Variants in DDX60 observed in about 807,000 individuals in gnomAD.
DDX60 encodes probable ATP-dependent RNA helicase DDX60.
A neutral mutation model predicts 212.8 loss-of-function variants in DDX60; 165 were observed. The observed-to-expected ratio is 0.78, with a 90% CI of 0.68 to 0.88. DDX60 has a LOEUF of 0.88. Among genes scored for constraint, DDX60 ranks in the 40% least tolerant of loss-of-function variants. The probability of loss-of-function intolerance (pLI) is 0.00; values close to 1 mark genes in which losing one functional copy is unlikely to be tolerated. For synonymous variants in DDX60, 703 were observed against 685.3 expected (o/e 1.03, Z -0.40); for missense variants, 1,905 against 2,003.9 (o/e 0.95, Z 0.94).
At chr4:168,257,655 A>T (rs756784714) in intron 25 of DDX60, among the ~76,000 whole-genome samples, 4 of 152,326 alleles carry the variant, frequency 2.6e-5, no homozygotes, top group Admixed American at 6.5e-5. Flanking sequence ...TTGTTCAAAG[A>T]TCACTTAGAA....
At chr4:168,218,227 G>A (rs1732920420) in intron 37 of DDX60, among the ~76,000 whole-genome samples, 1 of 152,048 alleles carries the variant, frequency 6.6e-6, no homozygotes, top group African/African-American at 2.4e-5. Context: ...ACTTATCATT[G>A]TGACTACTGA....
intron 25 of DDX60, among the ~76,000 whole-genome samples, chr4:168,260,609 C>T (rs950211255): frequency 3.3e-5 from 5 of 152,074 alleles, no homozygotes; most frequent in Admixed American, 1.3e-4. Flanking sequence ...ACCAGACATT[C>T]GTTAGATTCT....
chr4:168,295,253 T>G (rs62337771), intron 6 of DDX60, among the ~76,000 whole-genome samples: 8,325 of 152,304 alleles, frequency 0.055, 307 homozygotes, highest in Non-Finnish European at 0.083. Context: ...GGAACCGAAA[T>G]TAGTATGGTT....
chr4:168,322,469 C>A (rs1279450998), upstream of DDX60, among the ~76,000 whole-genome samples: 1 of 152,130 alleles, frequency 6.6e-6, no homozygotes, highest in Admixed American at 6.5e-5. Flanking sequence ...TTGAAACAAC[C>A]TTTTCACTTT....
intron 33 of DDX60, among the ~76,000 whole-genome samples, chr4:168,232,551 A>G (rs1733491228): frequency 1.3e-5 from 2 of 152,040 alleles, no homozygotes; most frequent in African/African-American, 4.8e-5. Flanking sequence ...ACAGAAATAA[A>G]GGCAAATATT....
At position 168,218,272 on chromosome 4, in the gene DDX60, T is replaced by C. The variant is rs558613999; in HGVS notation, c.5040-1240A>G. 7.4e-4 allele frequency among the ~76,000 whole-genome samples: 113 copies of C among 152,316 alleles called. 3 individuals carry two copies. In the South Asian group the frequency reaches 0.023, roughly 31 times the overall value. On this transcript the variant is annotated intron_variant, in intron 37 of 37. Coordinates refer to ENST00000393743, the MANE Select transcript of DDX60 (RefSeq NM_017631.6). ...CCTGATTGATATCTCCCAGATATAATGTGATGTGTATAAATTCTAGCTCAC... is the reference window on the plus strand; with the variant it reads ...CCTGATTGATATCTCCCAGATATAACGTGATGTGTATAAATTCTAGCTCAC...
Position 168,280,550 on chromosome 4 carries a change from C to A in DDX60, c.1763G>T (p.Arg588Met). ...AEIIARENKK[R>M]LFAREEQKEE... ...CTTTTGTTCTTCCCTGGCAAATAAC[C>A]TTTTCTTATTCTCTCTAGCAATTAT... is the stretch of plus-strand genomic sequence containing the variant. The change falls in exon 14 of 38, where the codon AGG (arginine) becomes ATG (methionine). Residue 588 changes from arginine (R) to methionine (M), a missense_variant. Physicochemically the swap from Arg to Met is moderately conservative, Grantham distance 91. Transcript: ENST00000393743. The A allele has an allele frequency of 6.2e-7, 1 of 1,613,766 alleles. No homozygotes were observed. Among genetic ancestry groups the A allele is most frequent in the Non-Finnish European group, 8.5e-7 (1 of 1,179,948 alleles).
At chr4:168,282,920 T>C (rs1019574754) in intron 13 of DDX60, among the ~76,000 whole-genome samples, 2 of 151,838 alleles carry the variant, frequency 1.3e-5, no homozygotes, top group East Asian at 1.9e-4. Flanking sequence ...AGGAAAAGAG[T>C]AGAAAAATGA....
chr4:168,285,335 T>G (rs1485218581), intron 11 of DDX60, 58 bp downstream of exon 11: 9 of 964,168 alleles, frequency 9.3e-6, no homozygotes, highest in African/African-American at 1.6e-5. Flanking sequence ...TAATCCTCGT[T>G]GAGTAACTCA....
chr4:168,257,400 G>A lies in DDX60; in HGVS notation c.3399-1531C>T, dbSNP rs1250315349. Among the ~76,000 whole-genome samples the A allele has an allele frequency of 2.6e-5, 4 of 152,034 alleles. No individual in the cohort carries two copies. The East Asian group carries it at 7.7e-4, about 29-fold the overall frequency. On this transcript the variant is annotated intron_variant, in intron 25 of 37. Coordinates refer to ENST00000393743, the MANE Select transcript of DDX60 (RefSeq NM_017631.6). ...CATTTAGTACTCACAACAATCCTAT[G>A]AAGAAGGCACTATTAATATTAATAT... is the stretch of plus-strand genomic sequence containing the variant.
chr4:168,233,554 C>T (rs895839379), intron 33 of DDX60, among the ~76,000 whole-genome samples: 1 of 152,010 alleles, frequency 6.6e-6, no homozygotes, highest in African/African-American at 2.4e-5. Context: ...TAAGAGCATT[C>T]ACAAGCAACC....
Position 168,302,332 on chromosome 4 carries a change from CAA to C in DDX60, c.689_690del (p.Phe230TrpfsTer7). 6.3e-7 allele frequency: 1 copy of C among 1,575,986 alleles called. No homozygotes were observed. The highest frequency in any genetic ancestry group is 2.3e-5 in the East Asian group (1 of 43,858). The part of the protein sequence containing the change: ...RFKLSALAPL[F>X]GSLKWNNITE... ...GTAATATTATTCCATTTTAAACTTC[CAA>C]AAAGAGGTGCTAATGCTGAAAGCTT... On this transcript the variant is annotated frameshift_variant, in exon 6 of 38. Transcript: ENST00000393743. LOFTEE classifies it high-confidence loss of function.
chr4:168,297,384 GAAAGAAAGAAAGAAAGA>G (rs1736445947), intron 6 of DDX60, among the ~76,000 whole-genome samples: 1 of 71,262 alleles, frequency 1.4e-5, no homozygotes, highest in African/African-American at 7.4e-5. Context: ...GAAAGAAAGA[GAAAGAAAGAAAGAAAGA>G]AAGACAATAA....
At chr4:168,316,758 A>T (rs910150202) in intron 1 of DDX60, among the ~76,000 whole-genome samples, 4 of 152,152 alleles carry the variant, frequency 2.6e-5, no homozygotes, top group African/African-American at 9.7e-5. Flanking sequence ...GCAAGTGTCC[A>T]CACCATCAGT....
intron 1 of DDX60, among the ~76,000 whole-genome samples, 158 bp downstream of exon 1, chr4:168,318,464 G>A (rs903435766): frequency 2.0e-5 from 3 of 152,222 alleles, no homozygotes; most frequent in Non-Finnish European, 4.4e-5. Context: ...GGGCCCGTGC[G>A]CCACGGCCTT....
intron 1 of DDX60, among the ~76,000 whole-genome samples, chr4:168,317,093 A>C (rs779879531): frequency 6.6e-6 from 1 of 151,628 alleles, no homozygotes; most frequent in Non-Finnish European, 1.5e-5. Context: ...GAAGAAAAAA[A>C]AGAAAACCTG....
At position 168,315,799 on chromosome 4, in the gene DDX60, G is replaced by A. The variant is rs553749295; in HGVS notation, c.-107+2823C>T. On this transcript the variant is annotated intron_variant, in intron 1 of 37. Coordinates refer to ENST00000393743, the MANE Select transcript of DDX60 (RefSeq NM_017631.6). ...GCATAGTGTTCCATGGGGTATATGT[G>A]CCACATTTTCTTTATCCAGCCTATC... Among the ~76,000 whole-genome samples, 65 of 152,264 alleles carry A rather than the reference G, an allele frequency of 4.3e-4. No homozygotes were observed. The South Asian group carries it at 0.013, about 30-fold the overall frequency.
chr4:168,293,438 C>G (rs1736195124), intron 7 of DDX60, among the ~76,000 whole-genome samples: 2 of 152,256 alleles, frequency 1.3e-5, no homozygotes, highest in African/African-American at 4.8e-5. Flanking sequence ...TAATGCCTTT[C>G]TCACAATGCT....
chr4:168,293,672 A>T, intron 7 of DDX60, 115 bp downstream of exon 7: 1 of 920,458 alleles, frequency 1.1e-6, no homozygotes, highest in Non-Finnish European at 1.6e-6. Context: ...TCTGAAGTTT[A>T]TATAAATAAG....
Sources: allele counts gnomAD v4.1 joint callset (sites outside exome capture counted in the v4.1 genomes callset), GRCh38; gene constraint gnomAD v4.1.1; transcripts MANE v1.5; gene names NCBI Gene and HGNC (gene_info 2026-07-23, HGNC 2026-07-21).